The following TMEM164 variants were observed in gnomAD, a reference collection of about 807,000 sequenced individuals.
TMEM164 encodes the protein transmembrane protein 164, also known as RP13-360B22.2.
Under a neutral mutation model 18.8 loss-of-function variants are expected in TMEM164, and 4 were observed. The ratio of observed to expected loss-of-function variants is 0.21; its 90% CI spans 0.10 to 0.49. TMEM164 has a LOEUF of 0.49. TMEM164 is among the 20% of genes least tolerant of loss of function. TMEM164 has a pLI of 0.98. For missense variants in TMEM164, 108 were observed against 239.9 expected, an observed-to-expected ratio of 0.45 and a Z score of 3.63; for synonymous variants, 86 against 101.7, an observed-to-expected ratio of 0.85 and a Z score of 0.93.
intron 4 of TMEM164, among the ~76,000 whole-genome samples, chrX:110,113,929 T>C (rs771045378): frequency 8.9e-6 from 1 of 112,006 alleles, no homozygotes; most frequent in Non-Finnish European, 1.9e-5. Flanking sequence ...AAAGGGCAAT[T>C]TCCAGTGATA....
At position 110,174,496 on chromosome X, in the gene TMEM164, T is replaced by G. The variant is rs1372905028; in HGVS notation, c.*1045T>G. ...CGCATCAGGGCCCATTTCTGGAAGA[T>G]TCTGTAGATCTGTTTCTTGGTTTTA... is the stretch of plus-strand genomic sequence containing the variant. On this transcript the variant is annotated 3_prime_UTR_variant, in exon 7 of 7. Transcript: ENST00000372068. 9.2e-6 allele frequency: 1 copy of G among 108,296 alleles called. No individual in the cohort carries two copies. Among genetic ancestry groups the G allele is most frequent in the Non-Finnish European group, 1.9e-5 (1 of 52,214 alleles). The allele number at this position is 108,296 out of a possible 1,213,427, so 8.9% of individuals were successfully genotyped here.
chrX:110,036,271 A>G (rs1421721139), intron 2 of TMEM164, among the ~76,000 whole-genome samples: 2 of 111,202 alleles, frequency 1.8e-5, no homozygotes, highest in Non-Finnish European at 3.8e-5. Context: ...AATTCTACTT[A>G]TTCTTTAGGG....
downstream of TMEM164, among the ~76,000 whole-genome samples, chrX:110,183,660 A>C (rs1008516713): frequency 1.2e-4 from 14 of 112,382 alleles, no homozygotes; most frequent in Admixed American, 1.1e-3. Context: ...AATGGGAAAA[A>C]GCTCAGTCTC....
chrX:110,022,674 G>A (rs988989268), intron 2 of TMEM164, among the ~76,000 whole-genome samples: 1 of 112,089 alleles, frequency 8.9e-6, no homozygotes, highest in Non-Finnish European at 1.9e-5. Flanking sequence ...AGTGTGTGGT[G>A]AATCTAGATC....
intron 3 of TMEM164, among the ~76,000 whole-genome samples, chrX:110,090,258 C>CTTATCTTTT (rs957293721): frequency 7.3e-5 from 8 of 109,003 alleles, no homozygotes; most frequent in South Asian, 7.9e-4. Context: ...CCCTGTTCTA[C>CTTATCTTTT]TTATCTTTTT....
chrX:110,092,214 A>T (rs996922034), intron 3 of TMEM164, among the ~76,000 whole-genome samples: 3 of 111,680 alleles, frequency 2.7e-5, no homozygotes, highest in Non-Finnish European at 5.7e-5. Context: ...TTCCATATGA[A>T]CTTTAAAGTA....
chrX:110,029,044 A>C (rs1339685470), intron 2 of TMEM164, among the ~76,000 whole-genome samples: 1 of 111,614 alleles, frequency 9.0e-6, no homozygotes, highest in Admixed American at 9.5e-5. Flanking sequence ...ATAGATCTAC[A>C]TGCTATAAGG....
At chrX:110,009,441 C>A (rs924073459) in intron 2 of TMEM164, among the ~76,000 whole-genome samples, 20 of 111,442 alleles carry the variant, frequency 1.8e-4, no homozygotes, top group African/African-American at 6.2e-4. Flanking sequence ...TTGGCCAGAT[C>A]ATTTTTTTTT....
At chrX:110,112,831 G>C (rs1253826743) in intron 4 of TMEM164, among the ~76,000 whole-genome samples, 1 of 111,312 alleles carries the variant, frequency 9.0e-6, no homozygotes, top group Non-Finnish European at 1.9e-5. Context: ...TGATTGCATA[G>C]AGCCCACTGT....
In TMEM164 at chrX:110,171,841, C is replaced by G. The variant is rs900368055; in HGVS notation, c.687+321C>G. Among the ~76,000 whole-genome samples, 6 of 112,133 alleles carry G rather than the reference C, an allele frequency of 5.4e-5. No individual in the cohort carries two copies. In the Admixed American group the frequency reaches 5.6e-4, roughly 11 times the overall value. On this transcript the variant is annotated intron_variant, in intron 6 of 6. Transcript: ENST00000372068. ...TGTGGACCCCATGGGGAGGCAGGACCCTAACCCTGCCCCTTGGCCTGGGGG... is the reference window on the plus strand; with the variant it reads ...TGTGGACCCCATGGGGAGGCAGGACGCTAACCCTGCCCCTTGGCCTGGGGG...
Position 110,176,597 on chromosome X carries a change from T to G in TMEM164, c.*3146T>G, listed in dbSNP as rs1449873129. ...CCTTTTGCTGTAGCCTCTGTTGAGGTTTTTATATTTGTGATCATTGGTAAT... is the reference window on the plus strand; with the variant it reads ...CCTTTTGCTGTAGCCTCTGTTGAGGGTTTTATATTTGTGATCATTGGTAAT... On this transcript the variant is annotated 3_prime_UTR_variant, in exon 7 of 7. Transcript: ENST00000372068. The G allele has an allele frequency of 6.8e-6, 1 of 148,016 alleles. No homozygotes were observed. The highest frequency in any genetic ancestry group is 1.1e-5 in the Non-Finnish European group (1 of 87,265). 12.2% of individuals were successfully genotyped at this position (148,016 alleles called of 1,213,427 possible).
intron 4 of TMEM164, among the ~76,000 whole-genome samples, chrX:110,144,185 G>T (rs994097743): frequency 1.8e-5 from 2 of 111,639 alleles, no homozygotes; most frequent in East Asian, 5.6e-4. Context: ...ATATCCAATG[G>T]GGAAAGTTTA....
chrX:110,091,322 C>A (rs931932048), intron 3 of TMEM164, among the ~76,000 whole-genome samples: 8 of 112,341 alleles, frequency 7.1e-5, no homozygotes, highest in African/African-American at 2.6e-4. Context: ...ACAGTCCCAA[C>A]AACAGTGTAA....
rs34813944 is a variant in TMEM164 at position 110,173,460 on chromosome X, ATTT to A, written c.*21_*23del. The A allele has an allele frequency of 4.8e-5, 50 of 1,051,920 alleles. No individual in the cohort carries two copies. The highest frequency in any genetic ancestry group is 3.0e-4 in the Admixed American group (11 of 36,781). 86.7% of individuals were successfully genotyped at this position (1,051,920 alleles called of 1,213,427 possible). The stretch of plus-strand genomic sequence containing the variant: ...CCAAGAAAATAGACTGAAGGTGCTT[ATTT>A]TTTTTTTTTTTCCTCCCTGAGGAAG... On this transcript the variant is annotated 3_prime_UTR_variant, in exon 7 of 7. Coordinates refer to ENST00000372068, the MANE Select transcript of TMEM164 (RefSeq NM_032227.4).
intron 4 of TMEM164, among the ~76,000 whole-genome samples, chrX:110,134,481 A>T (rs897607677): frequency 9.8e-6 from 1 of 102,402 alleles, no homozygotes; most frequent in Non-Finnish European, 2.0e-5. Context: ...AATCTCTTGA[A>T]CTCAGGAGGC....
chrX:110,124,796 A>G (rs1481052175), intron 4 of TMEM164, among the ~76,000 whole-genome samples: 1 of 111,904 alleles, frequency 8.9e-6, no homozygotes, highest in Non-Finnish European at 1.9e-5. Flanking sequence ...TTTCTTTTTA[A>G]CAATACACCT....
At chrX:110,122,318 C>T (rs1440866939) in intron 4 of TMEM164, among the ~76,000 whole-genome samples, 3 of 106,832 alleles carry the variant, frequency 2.8e-5, no homozygotes, top group Non-Finnish European at 5.8e-5. Context: ...AGTAAACTAT[C>T]GCAAGAACAA....
At position 110,092,686 on chromosome X, in the gene TMEM164, T is replaced by C. The variant is rs780180458; in HGVS notation, c.441-16394T>C. ...ACAATTTGACTTCCTCTTTTCCTAA[T>C]TGAATACCCTTTATTTCTTTCTCTT... On this transcript the variant is annotated intron_variant, in intron 3 of 6. Coordinates refer to ENST00000372068, the MANE Select transcript of TMEM164 (RefSeq NM_032227.4). Among the ~76,000 whole-genome samples, 38 of 111,942 alleles carry C rather than the reference T, an allele frequency of 3.4e-4. No homozygotes were observed. The South Asian group carries it at 5.2e-3, about 15-fold the overall frequency.
chrX:110,137,416 A>G (rs183607210), intron 4 of TMEM164, among the ~76,000 whole-genome samples: 8 of 111,543 alleles, frequency 7.2e-5, no homozygotes, highest in African/African-American at 2.3e-4. Flanking sequence ...TACCCTGTCC[A>G]GTCAATTAAT....
Sources: gnomAD v4.1 joint callset for allele counts (sites outside exome capture counted in the v4.1 genomes callset) on GRCh38, gnomAD v4.1.1 for gene constraint, MANE v1.5 for transcripts, NCBI Gene and HGNC (gene_info 2026-07-23, HGNC 2026-07-21) for gene names.